The following RNF167 variants were observed in gnomAD, a reference collection of about 807,000 sequenced individuals.
RNF167 encodes E3 ubiquitin-protein ligase RNF167.
Under a neutral mutation model 34.8 loss-of-function variants are expected in RNF167, and 19 were observed. The ratio of observed to expected loss-of-function variants is 0.55; its 90% CI spans 0.38 to 0.80. The LOEUF (loss-of-function observed/expected upper bound fraction) is 0.80, where lower values mean the gene tolerates loss of function less well. Among genes scored for constraint, RNF167 ranks in the 30% least tolerant of loss-of-function variants. The pLI, the probability that RNF167 is intolerant of heterozygous loss-of-function variation, is 0.00. For synonymous variants in RNF167, 200 were observed against 170.4 expected (o/e 1.17, Z -1.35); for missense variants, 464 against 447.0 (o/e 1.04, Z -0.34).
rs1327349344 is a variant in RNF167 at position 4,940,852 on chromosome 17, G to A, written c.-58G>A. 1.4e-6 allele frequency: 2 copies of A among 1,463,896 alleles called. No homozygotes were observed. Among genetic ancestry groups the A allele is most frequent in the Middle Eastern group, 2.2e-4 (1 of 4,642 alleles). 90.7% of individuals were successfully genotyped at this position (1,463,896 alleles called of 1,614,324 possible). A position where few individuals can be genotyped will look rare whatever the true frequency, so the allele number is the denominator to read the frequency against. On this transcript the variant is annotated 5_prime_UTR_variant, in exon 2 of 10. Coordinates refer to ENST00000262482, the MANE Select transcript of RNF167 (RefSeq NM_015528.3). ...AGGGGCAGGGAGGGCGCAGAACTCC[G>A]CTTCTGCTCCTTGCTACCAGGACGC...
In RNF167 at chr17:4,940,611, G is replaced by A. The variant is rs1970694151; in HGVS notation, c.-299G>A. 3 of 324,560 alleles carry A rather than the reference G, an allele frequency of 9.2e-6. No individual in the cohort carries two copies. Among genetic ancestry groups the A allele is most frequent in the Non-Finnish European group, 1.7e-5 (3 of 178,236 alleles). The allele number at this position is 324,560 out of a possible 1,614,324, so 20.1% of individuals were successfully genotyped here. ...AGGAAGTCCCACCTCCTTGAGCTCCGCCACCCTTCCCGAAGTTTTTCTGTC... is the reference window on the plus strand; with the variant it reads ...AGGAAGTCCCACCTCCTTGAGCTCCACCACCCTTCCCGAAGTTTTTCTGTC... On this transcript the variant is annotated 5_prime_UTR_variant, in exon 2 of 10. Coordinates refer to ENST00000262482, the MANE Select transcript of RNF167 (RefSeq NM_015528.3).
chr17:4,944,753 A>G lies in RNF167; in HGVS notation c.790A>G (p.Thr264Ala). ...SRCVDPWLTQ[T>A]RKTCPICKQP... ...CTGCGTGGACCCCTGGCTCACTCAGACCCGGAAGACCTGCCCCATTTGCAA... is the reference window on the plus strand; with the variant it reads ...CTGCGTGGACCCCTGGCTCACTCAGGCCCGGAAGACCTGCCCCATTTGCAA... Residue 264 changes from threonine (T) to alanine (A), a missense_variant, in exon 10 of 10, where the codon ACC becomes GCC. Physicochemically the swap from Thr to Ala is moderately conservative, Grantham distance 58 (BLOSUM62 0). Coordinates refer to ENST00000262482, the MANE Select transcript of RNF167 (RefSeq NM_015528.3). 6.2e-7 allele frequency: 1 copy of G among 1,613,320 alleles called. No homozygotes were observed. The highest frequency in any genetic ancestry group is 1.3e-5 in the African/African-American group (1 of 74,942).
rs767183932 is a variant in RNF167, at chr17:4,943,163, G to C, written c.471-16G>C. ...TGCCTTTCTCGCCCTGCTGAGACTG[G>C]TCATCCTTTTCCCAGGGCTCGGGTG... On this transcript the variant is annotated splice_polypyrimidine_tract_variant and intron_variant, in intron 6 of 9. Transcript: ENST00000262482. 6.2e-7 allele frequency: 1 copy of C among 1,609,256 alleles called. No individual in the cohort carries two copies. Among genetic ancestry groups the C allele is most frequent in the Admixed American group, 1.7e-5 (1 of 59,908 alleles).
At chr17:4,944,673 C>T in intron 9 of RNF167, 35 bp downstream of exon 9, 2 of 1,614,116 alleles carry the variant, frequency 1.2e-6, no homozygotes, top group Non-Finnish European at 1.7e-6. Flanking sequence ...GCCCCTCTGC[C>T]ACCAGCAGCC....
chr17:4,941,206 C>T (rs764863432), intron 3 of RNF167, 49 bp downstream of exon 3: 1 of 1,535,586 alleles, frequency 6.5e-7, no homozygotes, highest in African/African-American at 1.4e-5. Flanking sequence ...CCTTCCTTTT[C>T]TGTCTTTTTT....
In RNF167 at chr17:4,944,798, C is replaced by T. The variant is rs1300415458; in HGVS notation, c.835C>T (p.Pro279Ser). ...TTGCAAGCAGCCTGTTCATCGGGGT[C>T]CTGGGGACGAAGACCAAGAGGAAGA... ...PICKQPVHRG[P>S]GDEDQEEETQ... Residue 279 changes from proline to serine, a missense_variant, in exon 10 of 10, where the codon CCT becomes TCT. Transcript: ENST00000262482. 2.4e-5 allele frequency: 38 copies of T among 1,612,156 alleles called. No individual in the cohort carries two copies. The highest frequency in any genetic ancestry group is 3.1e-5 in the Non-Finnish European group (37 of 1,179,036).
intron 8 of RNF167, 84 bp from the exon 9 acceptor site, chr17:4,944,474 G>A: frequency 7.3e-6 from 11 of 1,510,014 alleles, no homozygotes; most frequent in Non-Finnish European, 8.8e-6. Context: ...GTAGGTGAGG[G>A]GAAATTTTTG....
intron 8 of RNF167, 42 bp from the exon 9 acceptor site, chr17:4,944,516 T>C (rs764331187): frequency 1.3e-6 from 2 of 1,535,224 alleles, no homozygotes; most frequent in African/African-American, 2.8e-5. Context: ...CCTGGGTCAT[T>C]GTGGCTCAGT....
At chr17:4,944,431 C>T (rs1052870790) in intron 8 of RNF167, 127 bp from the exon 9 acceptor site, 35 of 1,459,554 alleles carry the variant, frequency 2.4e-5, no homozygotes, top group Non-Finnish European at 3.1e-5. Flanking sequence ...TGACCTTATC[C>T]TGCCTACCTG....
At chr17:4,942,304 A>G (rs1259932035) in intron 3 of RNF167, 37 bp from the exon 4 acceptor site, 3 of 1,607,576 alleles carry the variant, frequency 1.9e-6, no homozygotes, top group African/African-American at 1.3e-5. Flanking sequence ...GAATCTAGAA[A>G]GGAGAAATCT....
At chr17:4,942,556 T>G (rs1349368436) in intron 4 of RNF167, 21 bp from the exon 5 acceptor site, 37 of 1,613,850 alleles carry the variant, frequency 2.3e-5, no homozygotes, top group Non-Finnish European at 3.1e-5. Context: ...TGGCTCCTTG[T>G]CCTCTGCCTT....
chr17:4,944,415 C>T (rs939233008), intron 8 of RNF167, 143 bp from the exon 9 acceptor site: 3 of 1,410,184 alleles, frequency 2.1e-6, no homozygotes, highest in Non-Finnish European at 2.8e-6. Context: ...CTTCCATGTT[C>T]TGCCCTGACC....
intron 2 of RNF167, 30 bp downstream of exon 2, chr17:4,941,023 C>T (rs1354911036): frequency 6.2e-7 from 1 of 1,613,288 alleles, no homozygotes; most frequent in East Asian, 2.2e-5. Flanking sequence ...GGGGAAAGGG[C>T]GCTGAAAGGA....
At chr17:4,941,840 C>A (rs1238341445) in intron 3 of RNF167, among the ~76,000 whole-genome samples, 4 of 152,044 alleles carry the variant, frequency 2.6e-5, no homozygotes, top group Non-Finnish European at 5.9e-5. Flanking sequence ...TCACTTGAAA[C>A]CGGAAGGTGG....
In RNF167 at chr17:4,944,564, A is replaced by C. The variant is rs761727417; in HGVS notation, c.677A>C (p.Gln226Pro). Residue 226 changes from glutamine (Q) to proline (P), a missense_variant, in exon 9 of 10, where the codon CAG (glutamine) becomes CCG (proline). By Grantham distance (76) the Gln-to-Pro change is moderately conservative. Coordinates refer to ENST00000262482, the MANE Select transcript of RNF167 (RefSeq NM_015528.3). Reference sequence around the variant, plus strand: ...TATTTTCTTTCTGTCCCAGGAGACCAGTATGATGTCTGTGCCATTTGCCTG... The same window carrying C: ...TATTTTCTTTCTGTCCCAGGAGACCCGTATGATGTCTGTGCCATTTGCCTG... ...IPTHDYQKGD[Q>P]YDVCAICLDE... 3.2e-5 allele frequency: 51 copies of C among 1,595,462 alleles called. No homozygotes were observed. The highest frequency in any genetic ancestry group is 4.1e-5 in the Non-Finnish European group (48 of 1,169,458).
chr17:4,944,818 G>C lies in RNF167; in HGVS notation c.855G>C (p.Glu285Asp). Residue 285 changes from glutamate to aspartate, a missense_variant, in exon 10 of 10, where the codon GAG (glutamate) becomes GAC (aspartate). By Grantham distance (45) the Glu-to-Asp change is conservative. Coordinates refer to ENST00000262482, the MANE Select transcript of RNF167 (RefSeq NM_015528.3). ...VHRGPGDEDQ[E>D]EETQGQEEGD... is the part of the protein sequence containing the mutation. ...GGGGTCCTGGGGACGAAGACCAAGA[G>C]GAAGAAACTCAAGGGCAAGAGGAGG... The C allele has an allele frequency of 6.8e-6, 11 of 1,612,544 alleles. No homozygotes were observed. Among genetic ancestry groups the C allele is most frequent in the Non-Finnish European group, 9.3e-6 (11 of 1,179,254 alleles).
chr17:4,940,739 ATTCTTTGAGTTGGTGTTCC>A lies in RNF167; in HGVS notation c.-167_-149del. The A allele has an allele frequency of 3.6e-6, 2 of 561,222 alleles. No homozygotes were observed. The highest frequency in any genetic ancestry group is 6.2e-6 in the Non-Finnish European group (2 of 321,224). The allele number at this position is 561,222 out of a possible 1,614,324, so 34.8% of individuals were successfully genotyped here. ...CTCCACTAAACGGGTTGGATATCTCATTCTTTGAGTTGGTGTTCCTTCCCCGGCGCCCCCATGTAGCTGG... is the reference window on the plus strand; with the variant it reads ...CTCCACTAAACGGGTTGGATATCTCATTCCCCGGCGCCCCCATGTAGCTGG... On this transcript the variant is annotated 5_prime_UTR_variant, in exon 2 of 10. Coordinates refer to ENST00000262482, the MANE Select transcript of RNF167 (RefSeq NM_015528.3).
chr17:4,944,538 T>G lies in RNF167; in HGVS notation c.671-20T>G. 1 of 1,559,130 alleles carries G rather than the reference T, an allele frequency of 6.4e-7. No homozygotes were observed. The highest frequency in any genetic ancestry group is 8.7e-7 in the Non-Finnish European group (1 of 1,152,034). ...CATTGTGGCTCAGTGAAGGACTAGA[T>G]TATTTTCTTTCTGTCCCAGGAGACC... On this transcript the variant is annotated intron_variant, in intron 8 of 9. Coordinates refer to ENST00000262482, the MANE Select transcript of RNF167 (RefSeq NM_015528.3).
chr17:4,944,824 A>C lies in RNF167; in HGVS notation c.861A>C (p.Glu287Asp). The change falls in exon 10 of 10, where the codon GAA becomes GAC. Residue 287 changes from glutamate (E) to aspartate (D), a missense_variant. Transcript: ENST00000262482. ...CTGGGGACGAAGACCAAGAGGAAGA[A>C]ACTCAAGGGCAAGAGGAGGGTGATG... ...RGPGDEDQEE[E>D]TQGQEEGDEG... is the part of the protein sequence containing the mutation. 6.2e-7 allele frequency: 1 copy of C among 1,612,780 alleles called. No homozygotes were observed. Among genetic ancestry groups the C allele is most frequent in the Non-Finnish European group, 8.5e-7 (1 of 1,179,396 alleles).
Sources: gnomAD v4.1 joint callset for allele counts (sites outside exome capture counted in the v4.1 genomes callset) on GRCh38, gnomAD v4.1.1 for gene constraint, MANE v1.5 for transcripts, NCBI Gene and HGNC (gene_info 2026-07-23, HGNC 2026-07-21) for gene names.